Variants in TNRC6C observed in about 807,000 individuals in gnomAD.
The protein encoded by TNRC6C is trinucleotide repeat-containing gene 6C protein.
In TNRC6C, 20 loss-of-function variants were observed where a neutral mutation model predicts 153.7. That is an observed-to-expected ratio of 0.13 (90% CI 0.09 to 0.19). The LOEUF is 0.19. Ranked by LOEUF, TNRC6C falls within the 10% of genes least tolerant of loss-of-function variation. The pLI is 1.00. For synonymous variants in TNRC6C, 811 were observed against 841.4 expected, an observed-to-expected ratio of 0.96 and a Z score of 0.63; for missense variants, 1,987 against 2,172.0, an observed-to-expected ratio of 0.91 and a Z score of 1.69.
chr17:78,053,400 C>A (rs755356959), intron 3 of TNRC6C, among the ~76,000 whole-genome samples: 7 of 152,018 alleles, frequency 4.6e-5, no homozygotes, highest in Non-Finnish European at 1.0e-4. Context: ...GAGGCCAAGG[C>A]GGGCAGATCA....
intron 1 of TNRC6C, among the ~76,000 whole-genome samples, chr17:77,990,813 A>G (rs1305908422): frequency 6.6e-6 from 1 of 152,188 alleles, no homozygotes; most frequent in African/African-American, 2.4e-5. Context: ...GTCTTCCATT[A>G]TCTAATTGGT....
At chr17:77,969,192 C>T (rs908221012) in intron 1 of TNRC6C, among the ~76,000 whole-genome samples, 3 of 152,192 alleles carry the variant, frequency 2.0e-5, no homozygotes, top group African/African-American at 4.8e-5. Flanking sequence ...CTGTGCTCCT[C>T]ACCGCTCTAT....
Position 78,075,070 on chromosome 17 carries a change from T to C in TNRC6C, c.2918-66T>C. On this transcript the variant is annotated intron_variant, in intron 7 of 19. Coordinates refer to ENST00000301624, the Ensembl canonical transcript of TNRC6C. The surrounding 1 kb of genome is among the most constrained non-coding windows in gnomAD (Gnocchi z 4.2). ...CATCCCTCCTTGAGGCCTTAGCTGG[T>C]GCCTATCTTGTGCTCAGCACTCACT... 1.9e-6 allele frequency: 3 copies of C among 1,571,686 alleles called. No homozygotes were observed. Among genetic ancestry groups the C allele is most frequent in the Non-Finnish European group, 2.6e-6 (3 of 1,155,308 alleles).
chr17:78,104,567 C>T lies in TNRC6C; in HGVS notation c.4795C>T (p.Leu1599=). Residue 1599 remains leucine (L), a synonymous_variant, in exon 20 of 20, where the codon CTG becomes TTG. Coordinates refer to ENST00000301624, the Ensembl canonical transcript of TNRC6C. This position sits in a 1 kb window ranked among gnomAD's most constrained non-coding sequence, Gnocchi z 6.2. ...TCGCTTCTTAGCCCAAGGCCAGGCG[C>T]TGCCACCCACTTCCAGCTGGCAGTC... 6.4e-7 allele frequency: 1 copy of T among 1,553,346 alleles called. No homozygotes were observed. The highest frequency in any genetic ancestry group is 1.2e-5 in the South Asian group (1 of 84,410).
At chr17:78,096,611 G>C (rs1163106749) in intron 16 of TNRC6C, among the ~76,000 whole-genome samples, 1 of 152,190 alleles carries the variant, frequency 6.6e-6, no homozygotes, top group Non-Finnish European at 1.5e-5. Context: ...GTGGGCCTAC[G>C]GCTGAGATGC....
intron 1 of TNRC6C, among the ~76,000 whole-genome samples, chr17:78,030,248 C>T (rs934561241): frequency 6.6e-6 from 1 of 152,124 alleles, no homozygotes; most frequent in Non-Finnish European, 1.5e-5. Context: ...CTCCCGGGTT[C>T]AAGCAATTCT....
exon 3 of TNRC6C, chr17:78,050,267 G>A (rs1289618838): frequency 1.3e-6 from 2 of 1,546,296 alleles, no homozygotes; most frequent in Non-Finnish European, 8.7e-7. Flanking sequence ...AGTAGTGATG[G>A]TTCTGGCAAC....
At chr17:78,098,232 A>G in intron 16 of TNRC6C, 111 bp from the exon 20 acceptor site, 4 of 1,070,520 alleles carry the variant, frequency 3.7e-6, no homozygotes, top group Admixed American at 3.0e-5. Context: ...TTCTTTGCCT[A>G]TCACACAGTC....
chr17:77,958,524 C>A (rs1291977622), upstream of TNRC6C, among the ~76,000 whole-genome samples: 2 of 151,834 alleles, frequency 1.3e-5, no homozygotes, highest in African/African-American at 4.8e-5. Context: ...CCGGGAGGGG[C>A]GCGCGGGGGA....
At chr17:78,006,548 T>TCCTCTTC (rs1448780831) in intron 1 of TNRC6C, among the ~76,000 whole-genome samples, 7 of 125,418 alleles carry the variant, frequency 5.6e-5, no homozygotes, top group African/African-American at 1.9e-4. Flanking sequence ...TTCTTCTTCT[T>TCCTCTTC]CTTCTTCTTC....
At chr17:78,084,621 C>CTTT (rs888498648) in intron 11 of TNRC6C, among the ~76,000 whole-genome samples, 12 of 134,172 alleles carry the variant, frequency 8.9e-5, no homozygotes, top group African/African-American at 2.2e-4. Flanking sequence ...TTTTCTTTTT[C>CTTT]TTTTTTTTTT....
At chr17:78,006,234 T>C (rs1289967965) in intron 1 of TNRC6C, among the ~76,000 whole-genome samples, 1 of 152,202 alleles carries the variant, frequency 6.6e-6, no homozygotes, top group African/African-American at 2.4e-5. Context: ...ACCTCTAGAC[T>C]AGAGTCACAT....
intron 3 of TNRC6C, among the ~76,000 whole-genome samples, chr17:78,063,225 A>G (rs774577451): frequency 6.0e-5 from 9 of 150,668 alleles, no homozygotes; most frequent in Non-Finnish European, 1.2e-4. Flanking sequence ...AGCCTGGGCA[A>G]CAGAGCAAGA....
chr17:77,993,251 C>T (rs1038505789), intron 1 of TNRC6C, among the ~76,000 whole-genome samples: 11 of 152,160 alleles, frequency 7.2e-5, no homozygotes, highest in African/African-American at 1.9e-4. Context: ...CGTGAGCCAC[C>T]GCGTGCGGCC....
At chr17:77,996,967 C>T (rs1415392333) in intron 1 of TNRC6C, among the ~76,000 whole-genome samples, 1 of 152,144 alleles carries the variant, frequency 6.6e-6, no homozygotes. Context: ...TTCACAGAGA[C>T]AGCCAACCAA....
rs191974285 is a variant in TNRC6C at position 78,053,099 on chromosome 17, G to A, written c.2395+1642G>A. 9.2e-5 allele frequency among the ~76,000 whole-genome samples: 14 copies of A among 152,116 alleles called. No individual in the cohort carries two copies. The East Asian group carries it at 2.3e-3, about 25-fold the overall frequency. ...TCCATACCATGTCACGTTGCCCCCC[G>A]ACCCCTGACGGTTCCCAACACTGAG... On this transcript the variant is annotated intron_variant, in intron 3 of 19. Transcript: ENST00000301624.
intron 16 of TNRC6C, 33 bp downstream of exon 18, chr17:78,093,796 A>G: frequency 1.2e-6 from 2 of 1,612,478 alleles, no homozygotes; most frequent in Non-Finnish European, 1.7e-6. Flanking sequence ...CTCTGCATGG[A>G]CGGTCTCTCT....
intron 10 of TNRC6C, among the ~76,000 whole-genome samples, chr17:78,081,334 G>A (rs1378410942): frequency 6.6e-6 from 1 of 152,020 alleles, no homozygotes. Context: ...ATACGAAAAA[G>A]AGCAGGATGC....
intron 9 of TNRC6C, chr17:78,077,699 C>T (rs1031312060): frequency 1.3e-5 from 3 of 227,744 alleles, no homozygotes; most frequent in South Asian, 6.7e-5. Context: ...ACCAAAACGA[C>T]GTTACATCTG....
Sources: gnomAD v4.1 joint callset for allele counts (sites outside exome capture counted in the v4.1 genomes callset) on GRCh38, gnomAD v4.1.1 for gene constraint, Gnocchi (gnomAD v3.1) non-coding constraint, MANE v1.5 for transcripts, NCBI Gene and HGNC (gene_info 2026-07-23, HGNC 2026-07-21) for gene names.